SAMD4B: variants seen among roughly 807,000 people sequenced by gnomAD.
SAMD4B encodes the protein sterile alpha motif domain containing 4B.
In SAMD4B, 5 loss-of-function variants were observed where a neutral mutation model predicts 74.5. The observed-to-expected ratio is 0.07, with a 90% CI of 0.04 to 0.14. The LOEUF (loss-of-function observed/expected upper bound fraction) is 0.14, where lower values mean the gene tolerates loss of function less well. Ranked by LOEUF, SAMD4B falls within the 10% of genes least tolerant of loss-of-function variation. SAMD4B has a pLI of 1.00. For missense variants in SAMD4B, 608 were observed against 921.8 expected (o/e 0.66, Z 4.41); for synonymous variants, 373 against 374.9 (o/e 1.00, Z 0.06).
rs1358071760 is a variant in SAMD4B at position 39,383,195 on chromosome 19, C to T, written c.1973-13C>T. 3 of 1,613,326 alleles carry T rather than the reference C, an allele frequency of 1.9e-6. No homozygotes were observed. The highest frequency in any genetic ancestry group is 2.5e-6 in the Non-Finnish European group (3 of 1,179,244). On this transcript the variant is annotated splice_polypyrimidine_tract_variant and intron_variant, in intron 12 of 13. Coordinates refer to ENST00000610417, the MANE Select transcript of SAMD4B (RefSeq NM_001384574.2). This position sits in a 1 kb window ranked among gnomAD's most constrained non-coding sequence, Gnocchi z 4.1. ...TGGTCCTTACCACCCCCATTCTCCT[C>T]TCTCCCACCCAGACTGCCCGGTTCC...
chr19:39,367,490 G>GT (rs370783409), intron 3 of SAMD4B, among the ~76,000 whole-genome samples: 9,888 of 141,306 alleles, frequency 0.07, 468 homozygotes, highest in African/African-American at 0.13. Context: ...TGCTAATGAG[G>GT]TTTTTTTTTT....
downstream of SAMD4B, among the ~76,000 whole-genome samples, chr19:39,388,072 C>T (rs934490711): frequency 2.0e-5 from 3 of 152,138 alleles, no homozygotes; most frequent in African/African-American, 7.2e-5. Flanking sequence ...ACCCAGGAAG[C>T]GGAGGTTGCA....
rs751902441 is a variant in SAMD4B at position 39,355,062 on chromosome 19, G to A, written c.-206+996G>A. ...TAATTTTTGTATTTTTAGTAGAGAC[G>A]GGATTTCGCCACTTTGGCCAGTCTG... On this transcript the variant is annotated intron_variant, in intron 2 of 13. Transcript: ENST00000610417. Among the ~76,000 whole-genome samples the A allele has an allele frequency of 2.4e-4, 36 of 152,090 alleles. 1 individual carries two copies. Among genetic ancestry groups the A allele is most frequent in the Admixed American group, 9.8e-4 (15 of 15,286 alleles).
chr19:39,365,098 T>C (rs1039235096), intron 3 of SAMD4B, among the ~76,000 whole-genome samples: 1 of 151,182 alleles, frequency 6.6e-6, no homozygotes, highest in Non-Finnish European at 1.5e-5. Flanking sequence ...AAAAATAAAT[T>C]AGCCGGGTGT....
rs958800329 is a variant in SAMD4B, at chr19:39,383,884, C to T, written c.*357C>T. On this transcript the variant is annotated 3_prime_UTR_variant, in exon 14 of 14. Transcript: ENST00000610417. The surrounding 1 kb of genome is among the most constrained non-coding windows in gnomAD (Gnocchi z 4.1). The stretch of plus-strand genomic sequence containing the variant: ...CTGCCTCTCCCCAAGGGAGCAGACT[C>T]CCCAGAGACAAACTGACCACTACCT... The T allele has an allele frequency of 3.2e-6, 2 of 627,708 alleles. No individual in the cohort carries two copies. Among genetic ancestry groups the T allele is most frequent in the Non-Finnish European group, 5.5e-6 (2 of 361,274 alleles). The allele number at this position is 627,708 out of a possible 1,614,324, so 38.9% of individuals were successfully genotyped here.
At chr19:39,386,839 A>G (rs774975937), downstream of SAMD4B, 2 of 1,389,394 alleles carry the variant, frequency 1.4e-6, no homozygotes, top group African/African-American at 2.8e-5. The surrounding 1 kb of genome is among the most constrained non-coding windows in gnomAD (Gnocchi z 6.1). Context: ...TGGAAGATGC[A>G]GTTAAAGACA....
At chr19:39,370,730 A>G (rs146653293) in intron 4 of SAMD4B, among the ~76,000 whole-genome samples, 2 of 152,370 alleles carry the variant, frequency 1.3e-5, no homozygotes, top group African/African-American at 4.8e-5. Context: ...GTATAAGACA[A>G]AACTCATGCT....
chr19:39,386,461 G>A (rs909460353), downstream of SAMD4B: 3 of 1,614,006 alleles, frequency 1.9e-6, no homozygotes, highest in South Asian at 1.1e-5. This position sits in a 1 kb window ranked among gnomAD's most constrained non-coding sequence, Gnocchi z 6.1. Context: ...GGCTCCCAGA[G>A]TCTGGCCTGT....
chr19:39,363,254 C>T (rs1329164090), intron 3 of SAMD4B, among the ~76,000 whole-genome samples: 2 of 152,196 alleles, frequency 1.3e-5, no homozygotes, highest in Non-Finnish European at 2.9e-5. Flanking sequence ...CTCAACCTCT[C>T]CATGTTTGCA....
rs2077532836 is a variant in SAMD4B at position 39,375,243 on chromosome 19, A to G, written c.668-407A>G. Among the ~76,000 whole-genome samples the G allele has an allele frequency of 6.6e-6, 1 of 152,202 alleles. No homozygotes were observed. Among genetic ancestry groups the G allele is most frequent in the Admixed American group, 6.5e-5 (1 of 15,284 alleles). On this transcript the variant is annotated intron_variant, in intron 4 of 13. Coordinates refer to ENST00000610417, the MANE Select transcript of SAMD4B (RefSeq NM_001384574.2). The surrounding 1 kb of genome is among the most constrained non-coding windows in gnomAD (Gnocchi z 4.1). ...GTGGAAGCATTTGTATTTTGTTCCCACTATGAAAGGAAGTCACAGGGATTT... is the reference window on the plus strand; with the variant it reads ...GTGGAAGCATTTGTATTTTGTTCCCGCTATGAAAGGAAGTCACAGGGATTT...
At chr19:39,343,815 C>G (rs2075497091) in intron 1 of SAMD4B, among the ~76,000 whole-genome samples, 1 of 152,062 alleles carries the variant, frequency 6.6e-6, no homozygotes, top group African/African-American at 2.4e-5. Flanking sequence ...ATCCTGAAAA[C>G]TTTCCTCATG....
chr19:39,358,971 A>C (rs2076493508), intron 3 of SAMD4B, among the ~76,000 whole-genome samples: 1 of 152,120 alleles, frequency 6.6e-6, no homozygotes, highest in African/African-American at 2.4e-5. Flanking sequence ...GTAGCGGGAG[A>C]CGGTTACTCA....
chr19:39,390,222 C>T (rs200181196), downstream of SAMD4B: 2 of 1,613,614 alleles, frequency 1.2e-6, no homozygotes, highest in Non-Finnish European at 1.7e-6. Flanking sequence ...CCCAGCCCCA[C>T]TGCCCCACCG....
intron 1 of SAMD4B, among the ~76,000 whole-genome samples, chr19:39,343,180 C>CT (rs1312220075): frequency 6.6e-6 from 1 of 151,936 alleles, no homozygotes; most frequent in Non-Finnish European, 1.5e-5. Context: ...TTCCAGAACT[C>CT]TCCCCCGGAG....
intron 8 of SAMD4B, 98 bp downstream of exon 8, chr19:39,377,922 C>A: frequency 8.5e-7 from 1 of 1,170,040 alleles, no homozygotes; most frequent in Non-Finnish European, 1.2e-6. Context: ...GGGAGCAGGG[C>A]TTTGTAAAGC....
chr19:39,379,866 G>A (rs976446347), intron 9 of SAMD4B, 100 bp from the exon 10 acceptor site: 28 of 1,041,900 alleles, frequency 2.7e-5, no homozygotes, highest in African/African-American at 1.8e-4. Flanking sequence ...CACCACGCCC[G>A]GCCAGGCAAT....
intron 12 of SAMD4B, among the ~76,000 whole-genome samples, chr19:39,382,671 A>G (rs1456474385): frequency 6.6e-6 from 1 of 152,138 alleles, no homozygotes; most frequent in Non-Finnish European, 1.5e-5. Context: ...ATGCCCGAAT[A>G]GGAGGCCCTT....
rs148318706 is a variant in SAMD4B, at chr19:39,368,485, CCTGAG to C, written c.197-1164_197-1160del. On this transcript the variant is annotated intron_variant, in intron 3 of 13. Transcript: ENST00000610417. ...AACCCCAAGGAAGATGGGGAGATAT[CCTGAG>C]CTGAGTCTTTATCTGGAGGAATGGG... is the stretch of plus-strand genomic sequence containing the variant. Among the ~76,000 whole-genome samples the C allele has an allele frequency of 2.9e-3, 444 of 152,192 alleles. 3 individuals are homozygous for C. Among genetic ancestry groups the C allele is most frequent in the African/African-American group, 0.01 (429 of 41,534 alleles).
Position 39,383,832 on chromosome 19 carries a change from CCCTGCCTCCTCCAGACCGCTGACCA to C in SAMD4B, c.*314_*338del. The C allele has an allele frequency of 2.0e-6, 2 of 991,684 alleles. No individual in the cohort carries two copies. Among genetic ancestry groups the C allele is most frequent in the Admixed American group, 4.6e-5 (2 of 43,036 alleles). 61.4% of individuals were successfully genotyped at this position (991,684 alleles called of 1,614,324 possible). A position where few individuals can be genotyped will look rare whatever the true frequency, so the allele number is the denominator to read the frequency against. ...TCATCCCCACCTGGTCCCATCCCAC[CCCTGCCTCCTCCAGACCGCTGACCA>C]CCTGCCTCTCCCCAAGGGAGCAGAC... On this transcript the variant is annotated 3_prime_UTR_variant, in exon 14 of 14. Transcript: ENST00000610417. This position sits in a 1 kb window ranked among gnomAD's most constrained non-coding sequence, Gnocchi z 4.1.
Sources: gnomAD v4.1 joint callset for allele counts (sites outside exome capture counted in the v4.1 genomes callset) on GRCh38, gnomAD v4.1.1 for gene constraint, Gnocchi (gnomAD v3.1) non-coding constraint, MANE v1.5 for transcripts, NCBI Gene and HGNC (gene_info 2026-07-23, HGNC 2026-07-21) for gene names.